CNTNAP5: variants seen among roughly 807,000 people sequenced by gnomAD.
The protein encoded by CNTNAP5 is contactin-associated protein-like 5.
In CNTNAP5, 72 loss-of-function variants were observed where a neutral mutation model predicts 150.2. That is an observed-to-expected ratio of 0.48 (90% confidence interval 0.40 to 0.58). CNTNAP5 has a LOEUF of 0.58. CNTNAP5 is among the 20% of genes least tolerant of loss of function. The pLI is 0.00. For missense variants in CNTNAP5, 1,636 were observed against 1,626.2 expected, an observed-to-expected ratio of 1.01 and a Z score of -0.10; for synonymous variants, 672 against 619.8, an observed-to-expected ratio of 1.08 and a Z score of -1.25.
At chr2:124,209,601 A>T (rs1685952772) in intron 1 of CNTNAP5, among the ~76,000 whole-genome samples, 1 of 152,120 alleles carries the variant, frequency 6.6e-6, no homozygotes, top group African/African-American at 2.4e-5. Flanking sequence ...TTCATTTAAG[A>T]CTGTCCTCCC....
chr2:124,292,299 A>G (rs1255479298), intron 3 of CNTNAP5, among the ~76,000 whole-genome samples: 2 of 152,144 alleles, frequency 1.3e-5, no homozygotes, highest in Non-Finnish European at 2.9e-5. Flanking sequence ...GTAGCACCAA[A>G]AGCCTTCAGC....
chr2:124,537,526 G>A (rs1695267375), intron 10 of CNTNAP5, among the ~76,000 whole-genome samples: 1 of 152,038 alleles, frequency 6.6e-6, no homozygotes, highest in Admixed American at 6.6e-5. Flanking sequence ...TGAGCTGACT[G>A]GGGAATAGAA....
chr2:124,107,790 A>C (rs933347790), intron 1 of CNTNAP5, among the ~76,000 whole-genome samples: 1 of 152,220 alleles, frequency 6.6e-6, no homozygotes, highest in African/African-American at 2.4e-5. Flanking sequence ...CAGCCTCAGG[A>C]AGCCCTGATG....
intron 21 of CNTNAP5, among the ~76,000 whole-genome samples, chr2:124,900,167 G>A (rs924765206): frequency 1.3e-5 from 2 of 151,254 alleles, no homozygotes; most frequent in African/African-American, 2.5e-5. Flanking sequence ...ACTTTTGAGG[G>A]GAATAGAAAT....
intron 18 of CNTNAP5, among the ~76,000 whole-genome samples, chr2:124,793,497 A>T (rs1681781052): frequency 6.6e-6 from 1 of 152,138 alleles, no homozygotes; most frequent in South Asian, 2.1e-4. Context: ...TGTCTTCTTC[A>T]TAGTATCTTT....
At chr2:124,240,099 CCTCAA>C (rs1207391364) in intron 2 of CNTNAP5, among the ~76,000 whole-genome samples, 14 of 152,092 alleles carry the variant, frequency 9.2e-5, no homozygotes, top group African/African-American at 2.9e-4. Flanking sequence ...ACTTCAGTTT[CCTCAA>C]CTTTATGATG....
At chr2:124,311,034 C>T (rs987138747) in intron 3 of CNTNAP5, among the ~76,000 whole-genome samples, 1 of 152,140 alleles carries the variant, frequency 6.6e-6, no homozygotes, top group African/African-American at 2.4e-5. Flanking sequence ...GAGAAGCACT[C>T]CAGTACTATT....
intron 8 of CNTNAP5, among the ~76,000 whole-genome samples, chr2:124,507,707 A>G (rs1694446332): frequency 6.6e-6 from 1 of 152,202 alleles, no homozygotes; most frequent in Admixed American, 6.6e-5. Context: ...GCCTTGTTGT[A>G]GCAATGCAGG....
chr2:124,249,651 C>T (rs1173863715), intron 3 of CNTNAP5, among the ~76,000 whole-genome samples: 3 of 152,256 alleles, frequency 2.0e-5, no homozygotes, highest in South Asian at 4.1e-4. Flanking sequence ...TGTCTCATGC[C>T]TTCCTAGAAT....
At chr2:124,862,395 T>G (rs1677544811) in intron 19 of CNTNAP5, among the ~76,000 whole-genome samples, 1 of 152,170 alleles carries the variant, frequency 6.6e-6, no homozygotes, top group Non-Finnish European at 1.5e-5. Flanking sequence ...CCTCTGACAA[T>G]TCACTGTCTG....
chr2:124,466,639 G>A (rs1693384784), intron 6 of CNTNAP5, among the ~76,000 whole-genome samples: 1 of 152,170 alleles, frequency 6.6e-6, no homozygotes, highest in Non-Finnish European at 1.5e-5. Context: ...GAATAAAAGA[G>A]TTTTTGATCA....
chr2:124,235,137 G>C (rs1045727289), intron 2 of CNTNAP5, among the ~76,000 whole-genome samples: 4 of 152,114 alleles, frequency 2.6e-5, no homozygotes, highest in African/African-American at 9.7e-5. Flanking sequence ...CTAGACCTCA[G>C]ACTACACTGT....
chr2:124,786,708 G>C (rs1429006202), intron 17 of CNTNAP5, among the ~76,000 whole-genome samples: 1 of 152,044 alleles, frequency 6.6e-6, no homozygotes, highest in African/African-American at 2.4e-5. Flanking sequence ...GCGTAGGGGA[G>C]GAGGACAGTG....
chr2:124,310,612 C>CT lies in CNTNAP5; in HGVS notation c.381+68230dup, dbSNP rs925800280. On this transcript the variant is annotated intron_variant, in intron 3 of 23. Coordinates refer to ENST00000682447, the MANE Select transcript of CNTNAP5 (RefSeq NM_001367498.1). ...TTCCCTAATGATTCTTTTGAAAAGC[C>CT]TTTTTTTTTTTAAATTTGTATTTTT... is the stretch of plus-strand genomic sequence containing the variant. Among the ~76,000 whole-genome samples, 67 of 147,540 alleles carry CT rather than the reference C, an allele frequency of 4.5e-4. 1 individual carries two copies. The highest frequency in any genetic ancestry group is 2.6e-3 in the East Asian group (13 of 5,022).
intron 3 of CNTNAP5, among the ~76,000 whole-genome samples, chr2:124,397,479 A>G (rs900658399): frequency 2.0e-5 from 3 of 152,166 alleles, no homozygotes; most frequent in Non-Finnish European, 2.9e-5. Flanking sequence ...ATTCTCATGA[A>G]CTAATTACCT....
chr2:124,258,186 G>A (rs1463543951), intron 3 of CNTNAP5, among the ~76,000 whole-genome samples: 1 of 152,142 alleles, frequency 6.6e-6, no homozygotes, highest in African/African-American at 2.4e-5. Flanking sequence ...CGATGGATGA[G>A]CTAACTTGGA....
intron 19 of CNTNAP5, among the ~76,000 whole-genome samples, chr2:124,805,331 A>G (rs1390668361): frequency 6.6e-6 from 1 of 152,076 alleles, no homozygotes; most frequent in East Asian, 1.9e-4. Context: ...GTGTATATAG[A>G]GAGAGAGCTA....
At chr2:124,066,088 C>G (rs528638778) in intron 1 of CNTNAP5, among the ~76,000 whole-genome samples, 6 of 152,240 alleles carry the variant, frequency 3.9e-5, no homozygotes, top group African/African-American at 1.4e-4. Flanking sequence ...TTCAGGAAAT[C>G]TCCACTTAGC....
At chr2:124,404,552 T>G (rs1412426451) in intron 3 of CNTNAP5, among the ~76,000 whole-genome samples, 1 of 152,194 alleles carries the variant, frequency 6.6e-6, no homozygotes, top group Non-Finnish European at 1.5e-5. Context: ...CACAGGTTCT[T>G]CCATTCATTA....
Sources: allele counts gnomAD v4.1 joint callset (sites outside exome capture counted in the v4.1 genomes callset), GRCh38; gene constraint gnomAD v4.1.1; transcripts MANE v1.5; gene names NCBI Gene and HGNC (gene_info 2026-07-23, HGNC 2026-07-21).